FAM185A: variants seen among roughly 807,000 people sequenced by gnomAD.
The protein encoded by FAM185A is family with sequence similarity 185 member A.
In FAM185A, 21 loss-of-function variants were observed where a neutral mutation model predicts 45.7. The ratio of observed to expected loss-of-function variants is 0.46; its 90% CI spans 0.33 to 0.66. The LOEUF (loss-of-function observed/expected upper bound fraction) is 0.66, where lower values mean the gene tolerates loss of function less well. Among genes scored for constraint, FAM185A ranks in the 30% least tolerant of loss-of-function variants. The pLI, the probability that FAM185A is intolerant of heterozygous loss-of-function variation, is 0.03. For missense variants in FAM185A, 305 were observed against 485.4 expected, an observed-to-expected ratio of 0.63 and a Z score of 3.49; for synonymous variants, 117 against 194.0, an observed-to-expected ratio of 0.60 and a Z score of 3.30.
chr7:102,784,443 T>C (rs971572712), intron 6 of FAM185A, among the ~76,000 whole-genome samples: 1 of 152,212 alleles, frequency 6.6e-6, no homozygotes, highest in African/African-American at 2.4e-5. Context: ...AATAAAATAT[T>C]GGCAAACTGA....
intron 6 of FAM185A, among the ~76,000 whole-genome samples, chr7:102,784,384 A>G (rs1367488716): frequency 9.9e-5 from 15 of 152,198 alleles, no homozygotes; most frequent in African/African-American, 2.9e-4. Context: ...ACACAAAAAA[A>G]GAGAATTTTA....
At chr7:102,795,710 T>C (rs1796405337) in intron 7 of FAM185A, among the ~76,000 whole-genome samples, 2 of 151,780 alleles carry the variant, frequency 1.3e-5, no homozygotes, top group Non-Finnish European at 2.9e-5. Context: ...CCCACCAGAC[T>C]GGAAAGAAAA....
intron 4 of FAM185A, among the ~76,000 whole-genome samples, chr7:102,763,515 C>T (rs932078301): frequency 1.3e-5 from 2 of 152,146 alleles, no homozygotes; most frequent in South Asian, 2.1e-4. Flanking sequence ...GACTGTGATA[C>T]AGTTTCAGTA....
the FAM185A span, among the ~76,000 whole-genome samples, chr7:102,822,632 T>C: frequency 6.6e-6 from 1 of 152,238 alleles, no homozygotes; most frequent in Admixed American, 6.5e-5. Context: ...ATTCAATTCA[T>C]AACAAATAGA....
chr7:102,750,062 G>T (rs1158742076), intron 1 of FAM185A, among the ~76,000 whole-genome samples: 2 of 152,152 alleles, frequency 1.3e-5, no homozygotes, highest in African/African-American at 4.8e-5. Context: ...TCCCAAAACA[G>T]CCCTGTCAAT....
At chr7:102,834,483 G>A in the FAM185A span, 1 of 142,828 alleles carries the variant, frequency 7.0e-6, no homozygotes, top group Middle Eastern at 3.7e-3. Flanking sequence ...ATGTGATGTG[G>A]CTCTTAGCAC....
chr7:102,780,362 A>C (rs981932173), intron 6 of FAM185A, among the ~76,000 whole-genome samples: 3 of 152,080 alleles, frequency 2.0e-5, no homozygotes, highest in African/African-American at 7.2e-5. Flanking sequence ...TAATTCTAAA[A>C]ATGATTCCAT....
the FAM185A span, among the ~76,000 whole-genome samples, chr7:102,843,024 C>A: frequency 1.3e-5 from 2 of 152,204 alleles, no homozygotes; most frequent in Admixed American, 6.5e-5. Context: ...CCTCCTCTAC[C>A]TCCTTTTCTA....
intron 5 of FAM185A, among the ~76,000 whole-genome samples, chr7:102,775,395 T>A (rs573684906): frequency 1.1e-3 from 166 of 152,246 alleles, no homozygotes; most frequent in Non-Finnish European, 1.6e-3. Flanking sequence ...TAATTTGTGT[T>A]AAACAAAAAA....
intron 4 of FAM185A, among the ~76,000 whole-genome samples, chr7:102,769,339 A>G (rs1327228760): frequency 2.4e-4 from 36 of 151,394 alleles, no homozygotes; most frequent in Admixed American, 2.4e-3. Context: ...TAAAACTTCT[A>G]TTTTTCTGGT....
chr7:102,778,293 A>G (rs949596528), intron 6 of FAM185A, among the ~76,000 whole-genome samples: 1 of 152,248 alleles, frequency 6.6e-6, no homozygotes, highest in Non-Finnish European at 1.5e-5. Flanking sequence ...TCTCAATATC[A>G]TATTTTCTCC....
chr7:102,821,406 T>C, the FAM185A span, among the ~76,000 whole-genome samples: 8 of 152,232 alleles, frequency 5.3e-5, no homozygotes, highest in Admixed American at 1.3e-4. Context: ...TAAGAAACCA[T>C]GTTCTTCCTC....
chr7:102,786,383 T>C (rs1795797394), intron 6 of FAM185A, among the ~76,000 whole-genome samples: 1 of 152,226 alleles, frequency 6.6e-6, no homozygotes, highest in Non-Finnish European at 1.5e-5. Context: ...TGCACACGTA[T>C]GTTTATCGTG....
chr7:102,793,247 T>TATC (rs1796245724), intron 7 of FAM185A, among the ~76,000 whole-genome samples: 1 of 152,254 alleles, frequency 6.6e-6, no homozygotes, highest in Middle Eastern at 3.4e-3. Context: ...AGTCTCTCTC[T>TATC]ATCACCCAGG....
chr7:102,812,508 G>A (rs1001559300), downstream of FAM185A, among the ~76,000 whole-genome samples: 12 of 152,194 alleles, frequency 7.9e-5, no homozygotes, highest in Admixed American at 5.2e-4. Flanking sequence ...GTTAATTGGC[G>A]GCATTTAGTT....
chr7:102,776,099 T>TACACACACACACACACACACATATATAC (rs1360377462), intron 5 of FAM185A, among the ~76,000 whole-genome samples: 1 of 106,670 alleles, frequency 9.4e-6, no homozygotes, highest in African/African-American at 5.2e-5. Flanking sequence ...TTGGCTCCTA[T>TACACACACACACACACACACATATATAC]ACACACACAC....
the FAM185A span, among the ~76,000 whole-genome samples, chr7:102,838,151 C>T: frequency 6.6e-6 from 1 of 152,176 alleles, no homozygotes; most frequent in Non-Finnish European, 1.5e-5. Flanking sequence ...GGCCCACTGG[C>T]TTGAGTTCAA....
Position 102,761,320 on chromosome 7 carries a change from C to A in FAM185A, c.702C>A (p.Thr234=), listed in dbSNP as rs945662058. ...AGGGAAGTTCTGTTACTGTATCTAC[C>A]GAAGATGGTTTGCTGAAAGCCAAGT... ...KLQGSSVTVS[T]EDGLLKAKYL... The change falls in exon 4 of 8, where the codon ACC becomes ACA. Residue 234 remains threonine, a synonymous_variant. Transcript: ENST00000413034. 7 of 1,546,258 alleles carry A rather than the reference C, an allele frequency of 4.5e-6. No individual in the cohort carries two copies. In the South Asian group the frequency reaches 8.4e-5, roughly 19 times the overall value.
intron 2 of FAM185A, among the ~76,000 whole-genome samples, chr7:102,757,514 T>C (rs1199581847): frequency 6.6e-6 from 1 of 152,226 alleles, no homozygotes; most frequent in African/African-American, 2.4e-5. Context: ...TAATGATGAA[T>C]AGTAACTGAT....
Sources: gnomAD v4.1 joint callset for allele counts (sites outside exome capture counted in the v4.1 genomes callset) on GRCh38, gnomAD v4.1.1 for gene constraint, MANE v1.5 for transcripts, NCBI Gene and HGNC (gene_info 2026-07-23, HGNC 2026-07-21) for gene names.